GLS: variants seen among roughly 807,000 people sequenced by gnomAD.
GLS encodes glutaminase kidney isoform, mitochondrial.
In GLS, 36 loss-of-function variants were observed where a neutral mutation model predicts 86.7. The ratio of observed to expected loss-of-function variants is 0.42; its 90% confidence interval spans 0.32 to 0.55. GLS has a LOEUF of 0.55. Ranked by LOEUF, GLS falls within the 20% of genes least tolerant of loss-of-function variation. The pLI is 0.17. For missense variants in GLS, 528 were observed against 833.4 expected (o/e 0.63, Z 4.51); for synonymous variants, 317 against 305.9 (o/e 1.04, Z -0.38).
In GLS at chr2:190,895,473, A is replaced by G. The variant is rs1688701260; in HGVS notation, c.484-131A>G. 6 of 632,158 alleles carry G rather than the reference A, an allele frequency of 9.5e-6. No homozygotes were observed. In the Admixed American group the frequency reaches 1.1e-4, roughly 12 times the overall value. The allele number at this position is 632,158 out of a possible 1,614,324, so 39.2% of individuals were successfully genotyped here. A position where few individuals can be genotyped will look rare whatever the true frequency, so the allele number is the denominator to read the frequency against. On this transcript the variant is annotated intron_variant, in intron 2 of 17. Transcript: ENST00000320717. This position sits in a 1 kb window ranked among gnomAD's most constrained non-coding sequence, Gnocchi z 4.2. The stretch of plus-strand genomic sequence containing the variant: ...TGTCCAGAAAGTGGGTAATAGTGAC[A>G]CTAAGATGCCATATTCATGTTCAAG...
chr2:190,906,753 A>C (rs950588120), intron 6 of GLS, among the ~76,000 whole-genome samples: 1 of 152,118 alleles, frequency 6.6e-6, no homozygotes, highest in Non-Finnish European at 1.5e-5. Context: ...TTCATATTTA[A>C]AATTGCAAGG....
In GLS at chr2:190,924,697, A is replaced by T; in HGVS notation, c.1248+104A>T. 1 of 697,722 alleles carries T rather than the reference A, an allele frequency of 1.4e-6. No individual in the cohort carries two copies. The highest frequency in any genetic ancestry group is 2.7e-6 in the Non-Finnish European group (1 of 376,898). The allele number at this position is 697,722 out of a possible 1,614,324, so 43.2% of individuals were successfully genotyped here. A position where few individuals can be genotyped will look rare whatever the true frequency, so the allele number is the denominator to read the frequency against. The stretch of plus-strand genomic sequence containing the variant: ...TTTGGGAGGCCAGGGCAGGTGGATC[A>T]TGAGGTCAAGAGATAGAGGTCATCC... On this transcript the variant is annotated intron_variant, in intron 11 of 17. Coordinates refer to ENST00000320717, the MANE Select transcript of GLS (RefSeq NM_014905.5). The surrounding 1 kb of genome is among the most constrained non-coding windows in gnomAD (Gnocchi z 5.2).
At chr2:190,883,361 C>G (rs1051821300) in intron 1 of GLS, among the ~76,000 whole-genome samples, 15 of 152,190 alleles carry the variant, frequency 9.9e-5, no homozygotes, top group African/African-American at 2.9e-4. Flanking sequence ...CCCAGTTGAT[C>G]CTGTTATCCT....
rs1272644781 is a variant in GLS, at chr2:190,964,037, A to G, written c.*1051A>G. 2 of 152,110 alleles carry G rather than the reference A, an allele frequency of 1.3e-5. No individual in the cohort carries two copies. Among genetic ancestry groups the G allele is most frequent in the Non-Finnish European group, 2.9e-5 (2 of 68,020 alleles). 9.4% of individuals were successfully genotyped at this position (152,110 alleles called of 1,614,324 possible). A position where few individuals can be genotyped will look rare whatever the true frequency, so the allele number is the denominator to read the frequency against. Reference sequence around the variant, plus strand: ...AGCCTGTCATTAAGAGTCTGCATCAAGAGATTTGTCCTCCTTGGGGGACCA... The same window carrying G: ...AGCCTGTCATTAAGAGTCTGCATCAGGAGATTTGTCCTCCTTGGGGGACCA... On this transcript the variant is annotated 3_prime_UTR_variant, in exon 18 of 18. Coordinates refer to ENST00000320717, the MANE Select transcript of GLS (RefSeq NM_014905.5). This position sits in a 1 kb window ranked among gnomAD's most constrained non-coding sequence, Gnocchi z 5.2.
At position 190,914,431 on chromosome 2, in the gene GLS, G is replaced by GT. The variant is rs879557630; in HGVS notation, c.1038+4122dup. Among the ~76,000 whole-genome samples, 1,375 of 141,918 alleles carry GT rather than the reference G, an allele frequency of 9.7e-3. 8 individuals are homozygous for GT. Among genetic ancestry groups the GT allele is most frequent in the Middle Eastern group, 0.015 (4 of 268 alleles). The allele number at this position is 141,918 out of a possible 152,430, so 93.1% of individuals were successfully genotyped here. A position where few individuals can be genotyped will look rare whatever the true frequency, so the allele number is the denominator to read the frequency against. On this transcript the variant is annotated intron_variant, in intron 7 of 17. Coordinates refer to ENST00000320717, the MANE Select transcript of GLS (RefSeq NM_014905.5). This position sits in a 1 kb window ranked among gnomAD's most constrained non-coding sequence, Gnocchi z 4.4. ...CTTGTTTATATCAGTTTATGCTTTA[G>GT]TTTTTTTTTTTTAATGAAAGGTAGA...
At position 190,887,890 on chromosome 2, in the gene GLS, G is replaced by A. The variant is rs143096148; in HGVS notation, c.386+6420G>A. On this transcript the variant is annotated intron_variant, in intron 1 of 17. Coordinates refer to ENST00000320717, the MANE Select transcript of GLS (RefSeq NM_014905.5). ...TTGCAGGTACTTTTTAGGATATAAGGTAATGTTATAACGGCCAAAAGTTAG... is the reference window on the plus strand; with the variant it reads ...TTGCAGGTACTTTTTAGGATATAAGATAATGTTATAACGGCCAAAAGTTAG... Among the ~76,000 whole-genome samples the A allele has an allele frequency of 3.3e-3, 501 of 152,244 alleles. 8 individuals carry two copies. The highest frequency in any genetic ancestry group is 0.012 in the African/African-American group (492 of 41,536).
In GLS at chr2:190,930,745, G is replaced by A. The variant is rs533798061; in HGVS notation, c.1557+177G>A. 1.5e-4 allele frequency among the ~76,000 whole-genome samples: 23 copies of A among 152,252 alleles called. No homozygotes were observed. The highest frequency in any genetic ancestry group is 4.8e-4 in the African/African-American group (20 of 41,560). On this transcript the variant is annotated intron_variant, in intron 13 of 17. Coordinates refer to ENST00000320717, the MANE Select transcript of GLS (RefSeq NM_014905.5). The surrounding 1 kb of genome is among the most constrained non-coding windows in gnomAD (Gnocchi z 5.0). ...AGCTTCAAGTTGTCTCTGTCAGACA[G>A]CTCCCATTTAATTATTCCCACAGAT...
chr2:190,881,552 G>A (rs1688183028), intron 1 of GLS, 82 bp downstream of exon 1: 1 of 1,291,296 alleles, frequency 7.7e-7, no homozygotes, highest in Non-Finnish European at 1.1e-6. Flanking sequence ...CGGTGGGGCG[G>A]GATAGGAGCC....
At position 190,941,363 on chromosome 2, in the gene GLS, C is replaced by G. The variant is rs77816437; in HGVS notation, c.1650+9726C>G. Among the ~76,000 whole-genome samples the G allele has an allele frequency of 5.8e-3, 875 of 152,156 alleles. 20 individuals carry two copies. Among genetic ancestry groups the G allele is most frequent in the East Asian group, 0.053 (273 of 5,178 alleles). ...TACATCTATAATAAACTTTATGAGA[C>G]ACAAATATGCAATGTAGTTACTAAT... is the stretch of plus-strand genomic sequence containing the variant. On this transcript the variant is annotated intron_variant, in intron 14 of 17. Coordinates refer to ENST00000320717, the MANE Select transcript of GLS (RefSeq NM_014905.5).
chr2:190,937,697 A>G (rs1269928999), intron 14 of GLS, among the ~76,000 whole-genome samples: 1 of 151,298 alleles, frequency 6.6e-6, no homozygotes, highest in African/African-American at 2.4e-5. Context: ...TAGCTAATAG[A>G]GATTTTTTAA....
At chr2:190,890,273 T>C (rs1485141824) in intron 1 of GLS, among the ~76,000 whole-genome samples, 3 of 152,140 alleles carry the variant, frequency 2.0e-5, no homozygotes, top group Non-Finnish European at 4.4e-5. Context: ...AGCCTTGAAC[T>C]CCTGGGCTCA....
At chr2:190,885,463 T>C (rs1300451691) in intron 1 of GLS, among the ~76,000 whole-genome samples, 7 of 152,230 alleles carry the variant, frequency 4.6e-5, no homozygotes, top group Non-Finnish European at 1.0e-4. Flanking sequence ...GTGCTGGGAT[T>C]ACAGGCGTGA....
chr2:190,882,113 C>G (rs933747921), intron 1 of GLS: 7 of 152,088 alleles, frequency 4.6e-5, no homozygotes, highest in African/African-American at 1.5e-4. Flanking sequence ...GTCATGTGGC[C>G]GAGAAGATGG....
intron 11 of GLS, among the ~76,000 whole-genome samples, chr2:190,926,189 C>G (rs200342185): frequency 6.6e-6 from 1 of 152,080 alleles, no homozygotes; most frequent in Non-Finnish European, 1.5e-5. Flanking sequence ...TGCCTTATGA[C>G]AAACAAAATT....
rs1689464899 is a variant in GLS at position 190,914,617 on chromosome 2, TAA to T, written c.1038+4297_1038+4298del. On this transcript the variant is annotated intron_variant, in intron 7 of 17. Transcript: ENST00000320717. This position sits in a 1 kb window ranked among gnomAD's most constrained non-coding sequence, Gnocchi z 4.4. ...ACCATTTTCTATCATAAGACTAAAT[TAA>T]GAGTATTTCACAAAATCGTTTTTAG... Among the ~76,000 whole-genome samples the T allele has an allele frequency of 6.6e-6, 1 of 152,126 alleles. No individual in the cohort carries two copies. Among genetic ancestry groups the T allele is most frequent in the African/African-American group, 2.4e-5 (1 of 41,434 alleles).
In GLS at chr2:190,953,367, T is replaced by C. The variant is rs1690769123; in HGVS notation, c.1651-198T>C. On this transcript the variant is annotated intron_variant, in intron 14 of 17. Coordinates refer to ENST00000320717, the MANE Select transcript of GLS (RefSeq NM_014905.5). This position sits in a 1 kb window ranked among gnomAD's most constrained non-coding sequence, Gnocchi z 4.0. ...GTATCTTATCTTTATTATTGAATTT[T>C]CCCTCACAATCCACTGTTAAAAGAA... is the stretch of plus-strand genomic sequence containing the variant. 6.6e-6 allele frequency among the ~76,000 whole-genome samples: 1 copy of C among 152,194 alleles called. No homozygotes were observed.
intron 14 of GLS, chr2:190,932,781 GA>G: frequency 6.2e-7 from 1 of 1,604,702 alleles, no homozygotes; most frequent in Non-Finnish European, 8.5e-7. Context: ...AGACAGTATG[GA>G]AAAAAGTGTC....
chr2:190,944,251 C>A (rs1366219937), intron 14 of GLS, among the ~76,000 whole-genome samples: 9 of 148,590 alleles, frequency 6.1e-5, no homozygotes, highest in African/African-American at 2.2e-4. Context: ...CTCTTCCTGT[C>A]TTAAATTCGC....
In GLS at chr2:190,895,644, T is replaced by C. The variant is rs1688707103; in HGVS notation, c.524T>C (p.Leu175Ser). Residue 175 changes from leucine to serine, a missense_variant, in exon 3 of 18, where the codon TTG becomes TCG. Around this residue, in one of 4 missense-constraint regions of GLS, gnomAD observed 111 missense variants for 179.5 expected, o/e 0.62. Transcript: ENST00000320717. The surrounding 1 kb of genome is among the most constrained non-coding windows in gnomAD (Gnocchi z 4.2). ...STGLRTSDPR[L>S]KECMDMLRLT... ...GGATTGCGAACGTCTGATCCCAGGT[T>C]GAAAGAGTGTATGGATATGTTAAGA... 1 of 1,604,190 alleles carries C rather than the reference T, an allele frequency of 6.2e-7. No individual in the cohort carries two copies. The highest frequency in any genetic ancestry group is 1.3e-5 in the African/African-American group (1 of 74,748).
Sources: allele counts gnomAD v4.1 joint callset (sites outside exome capture counted in the v4.1 genomes callset), GRCh38; gene constraint gnomAD v4.1.1; regional missense constraint gnomAD v4.1.1; non-coding constraint Gnocchi (gnomAD v3.1); transcripts MANE v1.5; gene names NCBI Gene and HGNC (gene_info 2026-07-23, HGNC 2026-07-21).